The following SLC25A48 variants were observed in gnomAD, a reference collection of about 807,000 sequenced individuals.
SLC25A48 encodes the protein CTC-321K16.1.
Under a neutral mutation model 32.2 loss-of-function variants are expected in SLC25A48, and 29 were observed. That is an observed-to-expected ratio of 0.90 (90% CI 0.67 to 1.23). The LOEUF is 1.23. SLC25A48 is among the 50% of genes most tolerant of loss of function. The probability of loss-of-function intolerance (pLI) is 0.00; values close to 1 mark genes in which losing one functional copy is unlikely to be tolerated. For synonymous variants in SLC25A48, 164 were observed against 172.3 expected, an observed-to-expected ratio of 0.95 and a Z score of 0.38; for missense variants, 399 against 422.7, an observed-to-expected ratio of 0.94 and a Z score of 0.49.
intron 4 of SLC25A48, among the ~76,000 whole-genome samples, chr5:135,867,759 C>T (rs116828543): frequency 6.6e-6 from 1 of 152,162 alleles, no homozygotes; most frequent in African/African-American, 2.4e-5. Flanking sequence ...GCATTTTTAT[C>T]TCAGGTATAT....
At chr5:135,672,093 A>G (rs1473390358) in intron 3 of SLC25A48, among the ~76,000 whole-genome samples, 1 of 152,196 alleles carries the variant, frequency 6.6e-6, no homozygotes, top group East Asian at 1.9e-4. Flanking sequence ...ATTTGGGGCT[A>G]TTAATACAGA....
chr5:135,880,290 G>A (rs60518646), intron 7 of SLC25A48, among the ~76,000 whole-genome samples, 193 bp downstream of exon 7: 1 of 152,054 alleles, frequency 6.6e-6, no homozygotes, highest in Non-Finnish European at 1.5e-5. Flanking sequence ...GACTGGTGGT[G>A]TGCTGGGTCC....
At chr5:135,785,667 AG>A (rs1213108666) in intron 3 of SLC25A48, among the ~76,000 whole-genome samples, 3 of 142,668 alleles carry the variant, frequency 2.1e-5, no homozygotes, top group East Asian at 2.2e-4. Flanking sequence ...CCATGGGGAG[AG>A]GGGGGTGGAA....
At chr5:135,641,477 A>C (rs1752835443) in intron 3 of SLC25A48, among the ~76,000 whole-genome samples, 1 of 145,488 alleles carries the variant, frequency 6.9e-6, no homozygotes, top group African/African-American at 2.6e-5. Context: ...GTATAAATCA[A>C]TATTTGCTCC....
chr5:135,732,795 A>T (rs1755260436), intron 3 of SLC25A48, among the ~76,000 whole-genome samples: 1 of 152,156 alleles, frequency 6.6e-6, no homozygotes, highest in East Asian at 1.9e-4. Context: ...GTGGGGGAGT[A>T]GGTGGGAGTG....
chr5:135,870,762 A>G (rs897365220), intron 4 of SLC25A48, among the ~76,000 whole-genome samples: 9 of 152,096 alleles, frequency 5.9e-5, no homozygotes, highest in Admixed American at 1.3e-4. Flanking sequence ...TGAACACTGT[A>G]CATGTATTAC....
At chr5:135,715,612 G>T (rs1355376057) in intron 3 of SLC25A48, among the ~76,000 whole-genome samples, 2 of 152,224 alleles carry the variant, frequency 1.3e-5, no homozygotes, top group African/African-American at 4.8e-5. Context: ...ACGCTCCAAA[G>T]CCCCAAGAAA....
intron 1 of SLC25A48, among the ~76,000 whole-genome samples, chr5:135,604,531 GTTAT>G (rs1038996943): frequency 2.6e-5 from 4 of 152,184 alleles, no homozygotes; most frequent in Admixed American, 6.6e-5. Flanking sequence ...TCTTTTGATG[GTTAT>G]TTCTTTGGCA....
In SLC25A48 at chr5:135,719,653, G is replaced by A. The variant is rs1754900501; in HGVS notation, c.-521+84697G>A. On this transcript the variant is annotated intron_variant, in intron 3 of 10. Coordinates refer to the SLC25A48 transcript ENST00000646290. ...TGTCCTGGAGTGTGGGACAGGAGAG[G>A]GAGGACTGGGAGTAAGGAGGAGAGT... Among the ~76,000 whole-genome samples, 3 of 152,192 alleles carry A rather than the reference G, an allele frequency of 2.0e-5. No individual in the cohort carries two copies. In the South Asian group the frequency reaches 6.2e-4, roughly 32 times the overall value.
chr5:135,827,943 C>A (rs2126667815), intron 4 of SLC25A48, among the ~76,000 whole-genome samples: 1 of 152,320 alleles, frequency 6.6e-6, no homozygotes, highest in South Asian at 2.1e-4. Context: ...CAAACTGGGG[C>A]CACTCTCTCC....
At chr5:135,654,817 C>T (rs969922155) in intron 3 of SLC25A48, among the ~76,000 whole-genome samples, 2 of 152,204 alleles carry the variant, frequency 1.3e-5, no homozygotes, top group African/African-American at 4.8e-5. Flanking sequence ...TGCCTGTGGC[C>T]TGCAGCATCA....
chr5:135,794,140 C>G (rs1039414783), intron 3 of SLC25A48, among the ~76,000 whole-genome samples: 4 of 151,650 alleles, frequency 2.6e-5, no homozygotes, highest in African/African-American at 9.7e-5. Flanking sequence ...TGCACATTCC[C>G]CAGTGAGATT....
chr5:135,862,538 C>T (rs1760880337), intron 4 of SLC25A48, among the ~76,000 whole-genome samples: 1 of 152,194 alleles, frequency 6.6e-6, no homozygotes, highest in Admixed American at 6.5e-5. Flanking sequence ...AAGCCACAGC[C>T]TTCAGGGTGT....
At chr5:135,725,385 G>A (rs1755065893) in intron 3 of SLC25A48, among the ~76,000 whole-genome samples, 1 of 152,182 alleles carries the variant, frequency 6.6e-6, no homozygotes. Flanking sequence ...CCCTTCTGAG[G>A]AAGTGCAGAT....
chr5:135,672,400 C>T (rs941589682), intron 3 of SLC25A48, among the ~76,000 whole-genome samples: 2 of 152,150 alleles, frequency 1.3e-5, no homozygotes, highest in African/African-American at 4.8e-5. Flanking sequence ...ATGAGCCTTT[C>T]CTTTTATTTA....
intron 1 of SLC25A48, among the ~76,000 whole-genome samples, chr5:135,582,811 G>C (rs947486528): frequency 6.6e-6 from 1 of 152,168 alleles, no homozygotes; most frequent in Non-Finnish European, 1.5e-5. Context: ...GGGCTGACAG[G>C]CAACCCTCTT....
chr5:135,590,258 C>T (rs1337095386), intron 1 of SLC25A48, among the ~76,000 whole-genome samples: 2 of 152,174 alleles, frequency 1.3e-5, no homozygotes, highest in Non-Finnish European at 2.9e-5. Context: ...GGAACTGGAC[C>T]TCCCTCCTCT....
At chr5:135,885,953 G>T (rs185940143) in intron 7 of SLC25A48, among the ~76,000 whole-genome samples, 3 of 151,948 alleles carry the variant, frequency 2.0e-5, no homozygotes, top group African/African-American at 7.3e-5. Flanking sequence ...AATATATATC[G>T]TATATGGGTA....
intron 1 of SLC25A48, 69 bp from the exon 2 acceptor site, chr5:135,842,347 C>A: frequency 6.5e-7 from 1 of 1,548,290 alleles, no homozygotes; most frequent in Non-Finnish European, 8.9e-7. Flanking sequence ...CTGTTTTGTC[C>A]CAAGAGCTGG....
Sources: allele counts gnomAD v4.1 joint callset (sites outside exome capture counted in the v4.1 genomes callset), GRCh38; gene constraint gnomAD v4.1.1; transcripts MANE v1.5; gene names NCBI Gene and HGNC (gene_info 2026-07-23, HGNC 2026-07-21).